Variants in GATD1 observed in about 807,000 individuals in gnomAD.
GATD1 encodes the protein glutamine amidotransferase-like class 1 domain-containing protein 1.
Under a neutral mutation model 25.9 loss-of-function variants are expected in GATD1, and 23 were observed. That is an observed-to-expected ratio of 0.89 (90% confidence interval 0.64 to 1.26). GATD1 has a LOEUF of 1.26. Ranked by LOEUF, GATD1 falls within the 50% of genes most tolerant of loss-of-function variation. GATD1 has a pLI of 0.00. For synonymous variants in GATD1, 177 were observed against 134.6 expected, an observed-to-expected ratio of 1.31 and a Z score of -2.18; for missense variants, 347 against 312.5, an observed-to-expected ratio of 1.11 and a Z score of -0.83.
In GATD1 at chr11:777,430, G is replaced by C. The variant is rs951682535; in HGVS notation, c.33C>G (p.Ala11=). Residue 11 remains alanine, a synonymous_variant, in exon 1 of 8, where the codon GCC becomes GCG. Transcript: ENST00000319863. Reference sequence around the variant, plus strand: ...CGGCGCCGCTGGCCACGAGCAGACAGGCGGGCCTGTTAGGGAGCCGCTCGG... The same window carrying C: ...CGGCGCCGCTGGCCACGAGCAGACACGCGGGCCTGTTAGGGAGCCGCTCGG... MASERLPNRP[A]CLLVASGAAE... 6 of 1,277,154 alleles carry C rather than the reference G, an allele frequency of 4.7e-6. No homozygotes were observed. The highest frequency in any genetic ancestry group is 8.0e-5 in the Admixed American group (2 of 25,136). 79.1% of individuals were successfully genotyped at this position (1,277,154 alleles called of 1,614,324 possible). A position where few individuals can be genotyped will look rare whatever the true frequency, so the allele number is the denominator to read the frequency against.
At chr11:774,690 C>T (rs1863788529) in intron 2 of GATD1, among the ~76,000 whole-genome samples, 3 of 152,188 alleles carry the variant, frequency 2.0e-5, no homozygotes, top group Admixed American at 1.3e-4. Flanking sequence ...ATGAGCTGGG[C>T]GTGGTGGCGC....
At chr11:772,380 G>A (rs1465343845) in intron 5 of GATD1, 47 bp downstream of exon 5, 2 of 1,337,446 alleles carry the variant, frequency 1.5e-6, no homozygotes, top group Non-Finnish European at 1.1e-6. Context: ...TGTGATGGGG[G>A]AGGACAGAGC....
chr11:773,793 CCT>C (rs1231125205), intron 3 of GATD1, among the ~76,000 whole-genome samples, 164 bp from the exon 4 acceptor site: 1 of 152,148 alleles, frequency 6.6e-6, no homozygotes, highest in African/African-American at 2.4e-5. Context: ...CAAGGGCCCC[CCT>C]GACTTTCCTG....
At position 771,103 on chromosome 11, in the gene GATD1, T is replaced by C. The variant is rs1225862102; in HGVS notation, c.546A>G (p.Ala182=). 1.3e-6 allele frequency: 2 copies of C among 1,594,972 alleles called. No homozygotes were observed. The highest frequency in any genetic ancestry group is 4.6e-5 in the East Asian group (2 of 43,816). ...CGACGTGGACAGCGTCAGGCTCGCT[T>C]GCTGGGGAGGACCGAGGGCACCAAC... ...FVKDSGACFS[A]SEPDAVHVVL... The change falls in exon 7 of 8, where the codon GCA becomes GCG. Residue 182 remains alanine, a splice_region_variant and synonymous_variant. Coordinates refer to ENST00000319863, the MANE Select transcript of GATD1 (RefSeq NM_182612.4).
intron 1 of GATD1, among the ~76,000 whole-genome samples, chr11:775,791 C>T (rs1265749737): frequency 2.6e-5 from 4 of 152,072 alleles, no homozygotes; most frequent in Admixed American, 2.0e-4. Context: ...AAAAGAAACT[C>T]AACACACCAC....
At chr11:775,976 C>CTTTTTTTTTTTTTTTTTT (rs71022972) in intron 1 of GATD1, among the ~76,000 whole-genome samples, 11 of 72,280 alleles carry the variant, frequency 1.5e-4, no homozygotes, top group Non-Finnish European at 2.6e-4. Context: ...TATCTTCATT[C>CTTTTTTTTTTTTTTTTTT]TTTTTTTTTT....
In GATD1 at chr11:777,278, C is replaced by A. The variant is rs1055309885; in HGVS notation, c.64+121G>T. The A allele has an allele frequency of 5.7e-5, 42 of 734,886 alleles. No individual in the cohort carries two copies. The African/African-American group carries it at 7.2e-4, about 13-fold the overall frequency. 45.5% of individuals were successfully genotyped at this position (734,886 alleles called of 1,614,324 possible). ...GCCCTCCCCCGGCCCCTGCCCGGCG[C>A]CCCCAGCGGCCTCGGCCTCCGGCGC... On this transcript the variant is annotated intron_variant, in intron 1 of 7. Transcript: ENST00000319863.
In GATD1 at chr11:770,979, C is replaced by T; in HGVS notation, c.656+14G>A. 1.2e-6 allele frequency: 2 copies of T among 1,613,466 alleles called. No homozygotes were observed. The highest frequency in any genetic ancestry group is 1.7e-6 in the Non-Finnish European group (2 of 1,179,992). ...TCTGATGTGGCAGGAATGTGCCCACCCTGGTGCCCTCACCGGCTGCCACAG... is the reference window on the plus strand; with the variant it reads ...TCTGATGTGGCAGGAATGTGCCCACTCTGGTGCCCTCACCGGCTGCCACAG... On this transcript the variant is annotated intron_variant, in intron 7 of 7. Coordinates refer to ENST00000319863, the MANE Select transcript of GATD1 (RefSeq NM_182612.4).
chr11:770,118 G>C lies in GATD1; in HGVS notation c.*779C>G, dbSNP rs371381673. On this transcript the variant is annotated 3_prime_UTR_variant, in exon 8 of 8. Transcript: ENST00000319863. ...CTAACCTGGGGCCAGGGGGCAGCCC[G>C]CTGGAGGGCCACAGCCCAGGCCAGG... The C allele has an allele frequency of 6.4e-5, 79 of 1,225,048 alleles. No homozygotes were observed. The highest frequency in any genetic ancestry group is 4.7e-5 in the Non-Finnish European group (46 of 983,084). The allele number at this position is 1,225,048 out of a possible 1,614,324, so 75.9% of individuals were successfully genotyped here. A position where few individuals can be genotyped will look rare whatever the true frequency, so the allele number is the denominator to read the frequency against.
intron 5 of GATD1, among the ~76,000 whole-genome samples, chr11:772,084 C>G (rs1363052644): frequency 7.9e-5 from 12 of 152,188 alleles, no homozygotes; most frequent in Non-Finnish European, 5.9e-5. Context: ...CTCTCAGCCC[C>G]TCCTGACTGC....
At position 767,703 on chromosome 11, in the gene GATD1, T is replaced by C; in HGVS notation, c.*3194A>G. ...ATTAGGTGGGGCATTTGGGAGGTCA[T>C]CCGGTCACAGGGCAGGGGCACAGCC... On this transcript the variant is annotated 3_prime_UTR_variant, in exon 8 of 8. Transcript: ENST00000319863. The C allele has an allele frequency of 1.0e-6, 1 of 994,014 alleles. No individual in the cohort carries two copies. Among genetic ancestry groups the C allele is most frequent in the East Asian group, 5.4e-5 (1 of 18,570 alleles). 61.6% of individuals were successfully genotyped at this position (994,014 alleles called of 1,614,324 possible).
Position 770,795 on chromosome 11 carries a change from G to A in GATD1, c.*102C>T. The A allele has an allele frequency of 6.5e-7, 1 of 1,536,906 alleles. No individual in the cohort carries two copies. Among genetic ancestry groups the A allele is most frequent in the Admixed American group, 2.0e-5 (1 of 50,304 alleles). ...CAGGGCCAGACCAGGCTGCCATCCA[G>A]GGCCCTTGTCAGGAGGGAAGAGGCG... is the stretch of plus-strand genomic sequence containing the variant. On this transcript the variant is annotated 3_prime_UTR_variant, in exon 8 of 8. Transcript: ENST00000319863.
intron 5 of GATD1, among the ~76,000 whole-genome samples, chr11:772,177 G>T (rs12800942): frequency 0.17 from 2,982 of 17,092 alleles, 672 homozygotes; most frequent in African/African-American, 0.52. Context: ...CCAGAGGTTC[G>T]GGAGCCTCCG....
At chr11:775,392 C>T (rs970018081) in intron 1 of GATD1, among the ~76,000 whole-genome samples, 9 of 152,230 alleles carry the variant, frequency 5.9e-5, no homozygotes, top group African/African-American at 1.7e-4. Flanking sequence ...TAGGCCATCC[C>T]CGGGCCTGCA....
rs371321156 is a variant in GATD1 at position 771,068 on chromosome 11, C to T, written c.581G>A (p.Arg194His). Reference protein sequence around the residue: ...EPDAVHVVLDRHLVTGQNASS... With the variant: ...EPDAVHVVLDHHLVTGQNASS... Reference sequence around the variant, plus strand: ...GGCATTCTGGCCTGTGACCAGGTGGCGGTCCAGCACGACGTGGACAGCGTC... The same window carrying T: ...GGCATTCTGGCCTGTGACCAGGTGGTGGTCCAGCACGACGTGGACAGCGTC... Residue 194 changes from arginine (R) to histidine (H), a missense_variant, in exon 7 of 8, where the codon CGC becomes CAC. By Grantham distance (29) the Arg-to-His change is conservative (BLOSUM62 0). Transcript: ENST00000319863. 10 of 1,609,892 alleles carry T rather than the reference C, an allele frequency of 6.2e-6. No individual in the cohort carries two copies. Among genetic ancestry groups the T allele is most frequent in the East Asian group, 2.2e-5 (1 of 44,772 alleles).
chr11:771,070 G>A lies in GATD1; in HGVS notation c.579C>T (p.Asp193=). Reference sequence around the variant, plus strand: ...CATTCTGGCCTGTGACCAGGTGGCGGTCCAGCACGACGTGGACAGCGTCAG... The same window carrying A: ...CATTCTGGCCTGTGACCAGGTGGCGATCCAGCACGACGTGGACAGCGTCAG... The part of the protein sequence containing the change: ...SEPDAVHVVL[D]RHLVTGQNAS... Residue 193 remains aspartate, a synonymous_variant, in exon 7 of 8, where the codon GAC becomes GAT. Transcript: ENST00000319863. The A allele has an allele frequency of 6.2e-7, 1 of 1,610,348 alleles. No homozygotes were observed. The highest frequency in any genetic ancestry group is 8.5e-7 in the Non-Finnish European group (1 of 1,179,162).
chr11:773,614 G>C lies in GATD1; in HGVS notation c.263C>G (p.Ala88Gly). The C allele has an allele frequency of 6.2e-7, 1 of 1,608,272 alleles. No homozygotes were observed. Among genetic ancestry groups the C allele is most frequent in the Non-Finnish European group, 8.5e-7 (1 of 1,178,476 alleles). ...LESIDGARYH[A>G]LLIPSCPGAL... is the part of the protein sequence containing the mutation. ...CCCAGGACAGCTGGGGATCAGGAGG[G>C]CATGGTACCGGGCACCTGGGGGGAG... Residue 88 changes from alanine to glycine, a missense_variant, in exon 4 of 8, where the codon GCC becomes GGC. Transcript: ENST00000319863.
chr11:772,595 C>T, intron 4 of GATD1, 74 bp from the exon 5 acceptor site: 3 of 1,386,582 alleles, frequency 2.2e-6, no homozygotes, highest in South Asian at 2.3e-5. Context: ...GATGCCCCTG[C>T]TTGTGGCTCC....
chr11:775,145 G>A lies in GATD1; in HGVS notation c.65-3C>T. 2 of 1,598,026 alleles carry A rather than the reference G, an allele frequency of 1.3e-6. No homozygotes were observed. Among genetic ancestry groups the A allele is most frequent in the Non-Finnish European group, 1.7e-6 (2 of 1,173,632 alleles). On this transcript the variant is annotated splice_polypyrimidine_tract_variant and splice_region_variant and intron_variant, in intron 1 of 7. Coordinates refer to ENST00000319863, the MANE Select transcript of GATD1 (RefSeq NM_182612.4). Reference sequence around the variant, plus strand: ...GAGGAAGGACTGGGCCGACACACCTGCAGAAGGTCCCAGTGAGTGTGGGCT... The same window carrying A: ...GAGGAAGGACTGGGCCGACACACCTACAGAAGGTCCCAGTGAGTGTGGGCT...
Sources: allele counts gnomAD v4.1 joint callset (sites outside exome capture counted in the v4.1 genomes callset), GRCh38; gene constraint gnomAD v4.1.1; transcripts MANE v1.5; gene names NCBI Gene and HGNC (gene_info 2026-07-23, HGNC 2026-07-21).